The following SUCLG1 variants were observed in gnomAD, a reference collection of about 807,000 sequenced individuals.
The protein encoded by SUCLG1 is succinate-CoA ligase GDP/ADP-forming subunit alpha, also known as succinate--CoA ligase [ADP/GDP-forming] subunit alpha, mitochondrial.
SUCLG1 carries 26 observed loss-of-function variants against 37.3 expected under a neutral mutation model. That is an observed-to-expected ratio of 0.70 (90% CI 0.51 to 0.97). SUCLG1 has a LOEUF of 0.97. Ranked by LOEUF, SUCLG1 falls within the 50% of genes least tolerant of loss-of-function variation. The pLI, the probability that SUCLG1 is intolerant of heterozygous loss-of-function variation, is 0.00. For synonymous variants in SUCLG1, 163 were observed against 155.6 expected (o/e 1.05, Z -0.36); for missense variants, 433 against 432.9 (o/e 1.00, Z 0.00).
intron 2 of SUCLG1, among the ~76,000 whole-genome samples, chr2:84,446,138 T>C (rs1672847348): frequency 6.6e-6 from 1 of 152,210 alleles, no homozygotes; most frequent in Non-Finnish European, 1.5e-5. Context: ...CCTGACCACC[T>C]GATATAAAAT....
Position 84,443,292 on chromosome 2 carries a change from C to T in SUCLG1, c.310G>A (p.Val104Met). 6.2e-7 allele frequency: 1 copy of T among 1,613,912 alleles called. No homozygotes were observed. Among genetic ancestry groups the T allele is most frequent in the African/African-American group, 1.3e-5 (1 of 75,046 alleles). Reference protein sequence around the residue: ...THLGLPVFNTVKEAKEQTGAT... With the variant: ...THLGLPVFNTMKEAKEQTGAT... Reference sequence around the variant, plus strand: ...CAGGTACCACTAATTACCTCCTTCACAGTATTAAAGACAGGTAAGCCCAGA... The same window carrying T: ...CAGGTACCACTAATTACCTCCTTCATAGTATTAAAGACAGGTAAGCCCAGA... The change falls in exon 3 of 9, where the codon GTG becomes ATG. Residue 104 changes from valine (V) to methionine (M), a missense_variant. Transcript: ENST00000393868.
At chr2:84,453,507 C>T (rs71428683) in intron 1 of SUCLG1, among the ~76,000 whole-genome samples, 3 of 151,924 alleles carry the variant, frequency 2.0e-5, no homozygotes, top group Non-Finnish European at 4.4e-5. Flanking sequence ...CTCCACCTCT[C>T]GGGTTCAAGC....
At chr2:84,451,074 G>A (rs1162345712) in intron 1 of SUCLG1, among the ~76,000 whole-genome samples, 5 of 152,246 alleles carry the variant, frequency 3.3e-5, no homozygotes, top group Admixed American at 3.3e-4. Context: ...CTGAGACCCT[G>A]TCCCTACTGA....
intron 5 of SUCLG1, among the ~76,000 whole-genome samples, chr2:84,435,921 G>A (rs954540661): frequency 2.6e-5 from 4 of 152,154 alleles, no homozygotes; most frequent in African/African-American, 7.2e-5. Flanking sequence ...CCAGTCAGCC[G>A]TTCCTCTCTT....
At chr2:84,446,200 C>T (rs1414776308) in intron 2 of SUCLG1, among the ~76,000 whole-genome samples, 5 of 152,202 alleles carry the variant, frequency 3.3e-5, no homozygotes, top group South Asian at 2.1e-4. Context: ...CTCCTTTCCC[C>T]GGCTTATTTC....
chr2:84,438,899 G>A (rs1672728802), intron 5 of SUCLG1, among the ~76,000 whole-genome samples: 1 of 152,202 alleles, frequency 6.6e-6, no homozygotes, highest in African/African-American at 2.4e-5. Context: ...CTAGAGGTTT[G>A]TAAAATGGAC....
At chr2:84,444,715 T>C (rs1672823938) in intron 2 of SUCLG1, among the ~76,000 whole-genome samples, 2 of 152,166 alleles carry the variant, frequency 1.3e-5, no homozygotes, top group Admixed American at 1.3e-4. Flanking sequence ...GGGGCTTATT[T>C]CATCCCTACA....
rs1002352373 is a variant in SUCLG1 at position 84,446,539 on chromosome 2, C to A, written c.201+3110G>T. Among the ~76,000 whole-genome samples the A allele has an allele frequency of 5.5e-4, 84 of 152,046 alleles. 1 individual carries two copies. Among genetic ancestry groups the A allele is most frequent in the Admixed American group, 2.0e-4 (3 of 15,258 alleles). On this transcript the variant is annotated intron_variant, in intron 2 of 8. Coordinates refer to ENST00000393868, the MANE Select transcript of SUCLG1 (RefSeq NM_003849.4). ...CTTTTTCAAAATAGGAAACTTGGCC[C>A]CAAGCATGTTAATTAATTTGTCTAA...
chr2:84,454,690 T>C (rs1013772625), intron 1 of SUCLG1, among the ~76,000 whole-genome samples: 4 of 152,190 alleles, frequency 2.6e-5, no homozygotes, highest in African/African-American at 7.2e-5. Flanking sequence ...CTGAGTAATC[T>C]GAGAGAGATG....
Position 84,433,510 on chromosome 2 carries a change from A to G in SUCLG1, c.590-75T>C, listed in dbSNP as rs1672640910. ...TAAAACATGGTAAACTAAATTACCAAACACTTCGAGTGACTAACATAGGTA... is the reference window on the plus strand; with the variant it reads ...TAAAACATGGTAAACTAAATTACCAGACACTTCGAGTGACTAACATAGGTA... On this transcript the variant is annotated intron_variant, in intron 5 of 8. Transcript: ENST00000393868. 3.2e-6 allele frequency: 4 copies of G among 1,251,494 alleles called. No homozygotes were observed. In the Admixed American group the frequency reaches 5.5e-5, roughly 17 times the overall value. The allele number at this position is 1,251,494 out of a possible 1,614,324, so 77.5% of individuals were successfully genotyped here.
chr2:84,436,964 A>G (rs184291927), intron 5 of SUCLG1, among the ~76,000 whole-genome samples: 12 of 152,314 alleles, frequency 7.9e-5, no homozygotes, highest in Non-Finnish European at 1.6e-4. Context: ...CTCTTAAGTG[A>G]AATTTAATTT....
In SUCLG1 at chr2:84,433,407, A is replaced by C. The variant is rs1331829500; in HGVS notation, c.618T>G (p.Thr206=). The C allele has an allele frequency of 6.2e-7, 1 of 1,613,840 alleles. No individual in the cohort carries two copies. ...GCGTTGTTTGGTGAACTGCTTCATAAGTCAGGGTGCCAGATCTGGACACAA... is the reference window on the plus strand; with the variant it reads ...GCGTTGTTTGGTGAACTGCTTCATACGTCAGGGTGCCAGATCTGGACACAA... ...IGIVSRSGTL[T]YEAVHQTTQV... The change falls in exon 6 of 9, where the codon ACT becomes ACG. Residue 206 remains threonine (T), a synonymous_variant. Coordinates refer to ENST00000393868, the MANE Select transcript of SUCLG1 (RefSeq NM_003849.4).
chr2:84,459,172 C>T lies in SUCLG1; in HGVS notation c.97+1G>A. On this transcript the variant is annotated splice_donor_variant, in intron 1 of 8. Transcript: ENST00000393868. LOFTEE classifies it high-confidence loss of function. ...AGGAAGACAGTACTGGCTGGACTCA[C>T]GGAGGAAGCTGCGCGACAGGAGACG... 6.5e-7 allele frequency: 1 copy of T among 1,549,264 alleles called. No individual in the cohort carries two copies. The highest frequency in any genetic ancestry group is 8.7e-7 in the Non-Finnish European group (1 of 1,146,166).
chr2:84,438,613 T>G (rs1288643570), intron 5 of SUCLG1, among the ~76,000 whole-genome samples: 2 of 152,198 alleles, frequency 1.3e-5, no homozygotes, highest in African/African-American at 4.8e-5. Context: ...CTATTAGCAA[T>G]GGTACCAAAA....
Position 84,449,770 on chromosome 2 carries a change from A to C in SUCLG1, c.98-18T>G, listed in dbSNP as rs747785763. 395 of 1,264,592 alleles carry C rather than the reference A, an allele frequency of 3.1e-4. No homozygotes were observed. The highest frequency in any genetic ancestry group is 3.8e-4 in the Non-Finnish European group (349 of 915,460). The allele number at this position is 1,264,592 out of a possible 1,614,324, so 78.3% of individuals were successfully genotyped here. ...CTGCGGCACTAAGAGGTTAAAAAAA[A>C]AAAAAAAAAAAAAAAAAGACACATT... On this transcript the variant is annotated intron_variant, in intron 1 of 8. Transcript: ENST00000393868.
At chr2:84,456,900 G>C (rs1673029373) in intron 1 of SUCLG1, among the ~76,000 whole-genome samples, 1 of 152,110 alleles carries the variant, frequency 6.6e-6, no homozygotes. Context: ...CTGACCTTGT[G>C]ATCTACCCGC....
At chr2:84,429,057 G>A (rs1345894531) in intron 7 of SUCLG1, among the ~76,000 whole-genome samples, 1 of 152,192 alleles carries the variant, frequency 6.6e-6, no homozygotes, top group Non-Finnish European at 1.5e-5. Context: ...TATCATCATT[G>A]TAATGATAAC....
At chr2:84,423,817 G>A (rs1414144140) in intron 8 of SUCLG1, 45 bp from the exon 9 acceptor site, 4 of 1,573,502 alleles carry the variant, frequency 2.5e-6, no homozygotes, top group Non-Finnish European at 3.5e-6. Context: ...AATGAATAAA[G>A]ATAAAAGATC....
At chr2:84,449,785 A>T in intron 1 of SUCLG1, 33 bp from the exon 2 acceptor site, 2 of 991,356 alleles carry the variant, frequency 2.0e-6, no homozygotes, top group Non-Finnish European at 3.0e-6. Context: ...AAAAAAAAAA[A>T]AAGACACATT....
Sources: allele counts gnomAD v4.1 joint callset (sites outside exome capture counted in the v4.1 genomes callset), GRCh38; gene constraint gnomAD v4.1.1; transcripts MANE v1.5; gene names NCBI Gene and HGNC (gene_info 2026-07-23, HGNC 2026-07-21).